Variants in DPYD observed in about 807,000 individuals in gnomAD.
DPYD encodes dihydropyrimidine dehydrogenase [NADP(+)].
DPYD carries 109 observed loss-of-function variants against 116.2 expected under a neutral mutation model. That is an observed-to-expected ratio of 0.94 (90% CI 0.80 to 1.10). The LOEUF is 1.10. DPYD is among the 50% of genes least tolerant of loss of function. The pLI, the probability that DPYD is intolerant of heterozygous loss-of-function variation, is 0.00. For synonymous variants in DPYD, 440 were observed against 432.0 expected, an observed-to-expected ratio of 1.02 and a Z score of -0.23; for missense variants, 1,302 against 1,254.5, an observed-to-expected ratio of 1.04 and a Z score of -0.57.
intron 20 of DPYD, among the ~76,000 whole-genome samples, chr1:97,133,116 G>C (rs1653461765): frequency 6.6e-6 from 1 of 151,852 alleles, no homozygotes; most frequent in Non-Finnish European, 1.5e-5. Context: ...ACTGACTATA[G>C]AGTACTAAGA....
At chr1:97,098,431 A>G in intron 21 of DPYD, 58 bp downstream of exon 21, 1 of 1,563,110 alleles carries the variant, frequency 6.4e-7, no homozygotes, top group Non-Finnish European at 8.8e-7. Context: ...CATTTTAACT[A>G]TATTTGTATA....
chr1:97,773,677 T>C (rs938884759), intron 3 of DPYD, among the ~76,000 whole-genome samples: 2 of 152,088 alleles, frequency 1.3e-5, no homozygotes, highest in African/African-American at 2.4e-5. Context: ...GACACGGCCA[T>C]AGATGGCAGA....
intron 14 of DPYD, among the ~76,000 whole-genome samples, chr1:97,449,118 A>G (rs1025225427): frequency 6.6e-6 from 1 of 152,118 alleles, no homozygotes; most frequent in Admixed American, 6.5e-5. Context: ...AGAATTTGCA[A>G]TTTATCAGTT....
chr1:97,725,228 G>T (rs1403031477), intron 4 of DPYD, among the ~76,000 whole-genome samples: 2 of 151,408 alleles, frequency 1.3e-5, no homozygotes, highest in Non-Finnish European at 3.0e-5. Flanking sequence ...AAATTATTCA[G>T]AACTATATGT....
At chr1:97,776,781 A>C (rs980915221) in intron 3 of DPYD, among the ~76,000 whole-genome samples, 1 of 152,156 alleles carries the variant, frequency 6.6e-6, no homozygotes, top group Non-Finnish European at 1.5e-5. Flanking sequence ...TTTGGAGCAC[A>C]ACAATTTGGA....
chr1:97,603,581 C>T (rs1030773295), intron 8 of DPYD, among the ~76,000 whole-genome samples: 2 of 152,070 alleles, frequency 1.3e-5, no homozygotes, highest in Admixed American at 1.3e-4. Context: ...AGGAAGAAGA[C>T]CCCTTTAAAA....
At chr1:97,523,176 G>A (rs1240343328) in intron 12 of DPYD, among the ~76,000 whole-genome samples, 1 of 152,130 alleles carries the variant, frequency 6.6e-6, no homozygotes, top group African/African-American at 2.4e-5. Context: ...AAAGAACTGA[G>A]ATGAGAATGG....
intron 10 of DPYD, among the ~76,000 whole-genome samples, chr1:97,586,502 ATATATATATATATATATG>A (rs1157579106): frequency 8.3e-5 from 10 of 121,192 alleles, no homozygotes; most frequent in African/African-American, 2.8e-4. Flanking sequence ...ATATATATAT[ATATATATATATATATATG>A]CTGTGAAAAA....
At chr1:97,528,280 AT>A in intron 12 of DPYD, among the ~76,000 whole-genome samples, 2 of 152,276 alleles carry the variant, frequency 1.3e-5, no homozygotes, top group Middle Eastern at 6.8e-3. Flanking sequence ...TCATAATAAA[AT>A]TTCCTTCTGA....
At chr1:97,158,214 A>G (rs1193879710) in intron 20 of DPYD, among the ~76,000 whole-genome samples, 1 of 152,048 alleles carries the variant, frequency 6.6e-6, no homozygotes, top group East Asian at 1.9e-4. Context: ...AATCATGTCA[A>G]GTTGCTCACA....
intron 16 of DPYD, among the ~76,000 whole-genome samples, chr1:97,321,593 G>A: frequency 1.2e-5 from 1 of 80,208 alleles, no homozygotes; most frequent in Non-Finnish European, 2.7e-5. Context: ...AACAGGTGCT[G>A]GAGAGGATGT....
At chr1:97,484,246 G>C (rs1484381659) in intron 13 of DPYD, among the ~76,000 whole-genome samples, 1 of 152,226 alleles carries the variant, frequency 6.6e-6, no homozygotes, top group Non-Finnish European at 1.5e-5. Context: ...GGAGGTTGCA[G>C]TGAGCGGAGA....
chr1:97,669,247 A>C lies in DPYD; in HGVS notation c.850+9848T>G, dbSNP rs550810354. On this transcript the variant is annotated intron_variant, in intron 8 of 22. Transcript: ENST00000370192. ...TAAATAAGTCAAAACGTTGTTTTAAAAATAAAACTTTCTTAGATGTCCACA... is the reference window on the plus strand; with the variant it reads ...TAAATAAGTCAAAACGTTGTTTTAACAATAAAACTTTCTTAGATGTCCACA... Among the ~76,000 whole-genome samples, 6 of 152,286 alleles carry C rather than the reference A, an allele frequency of 3.9e-5. No homozygotes were observed. In the South Asian group the frequency reaches 1.2e-3, roughly 32 times the overall value.
intron 8 of DPYD, among the ~76,000 whole-genome samples, chr1:97,660,992 T>C (rs75964922): frequency 0.011 from 1,616 of 152,236 alleles, 30 homozygotes; most frequent in African/African-American, 0.037. Context: ...TGACAAACTC[T>C]CACCTCTTCT....
intron 3 of DPYD, chr1:97,796,974 A>G (rs1408466893): frequency 1.3e-5 from 2 of 152,166 alleles, no homozygotes; most frequent in African/African-American, 2.4e-5. Flanking sequence ...TACACATAGC[A>G]TAACAATCAC....
chr1:97,354,401 C>T (rs886362535), intron 16 of DPYD, among the ~76,000 whole-genome samples: 4 of 152,056 alleles, frequency 2.6e-5, no homozygotes, highest in East Asian at 1.9e-4. Context: ...TATAGTAAAA[C>T]GCAAAATGCA....
chr1:97,093,624 T>C (rs940004322), intron 21 of DPYD, among the ~76,000 whole-genome samples: 4 of 152,214 alleles, frequency 2.6e-5, no homozygotes, highest in African/African-American at 7.2e-5. Context: ...TTCATGCAGC[T>C]ATGAAACGGC....
At chr1:97,439,723 C>T (rs147971563) in intron 14 of DPYD, among the ~76,000 whole-genome samples, 1 of 151,928 alleles carries the variant, frequency 6.6e-6, no homozygotes, top group Admixed American at 6.6e-5. Flanking sequence ...TTCTTTTCCA[C>T]TCTGATCTTT....
intron 12 of DPYD, chr1:97,546,787 T>G (rs983524907): frequency 9.4e-5 from 151 of 1,612,960 alleles, no homozygotes; most frequent in Non-Finnish European, 1.2e-4. Context: ...ATCAGACTCC[T>G]ATATGGGTTT....
Sources: gnomAD v4.1 joint callset for allele counts (sites outside exome capture counted in the v4.1 genomes callset) on GRCh38, gnomAD v4.1.1 for gene constraint, MANE v1.5 for transcripts, NCBI Gene and HGNC (gene_info 2026-07-23, HGNC 2026-07-21) for gene names.